The following TSPAN32 variants were observed in gnomAD, a reference collection of about 807,000 sequenced individuals.
TSPAN32 encodes tetraspanin-32.
In TSPAN32, 47 loss-of-function variants were observed where a neutral mutation model predicts 42.7. The observed-to-expected ratio is 1.10, with a 90% CI of 0.87 to 1.40. The LOEUF is 1.40. Among genes scored for constraint, TSPAN32 ranks in the 40% most tolerant of loss-of-function variants. The pLI is 0.00. For missense variants in TSPAN32, 469 were observed against 424.1 expected, an observed-to-expected ratio of 1.11 and a Z score of -0.93; for synonymous variants, 175 against 175.9, an observed-to-expected ratio of 0.99 and a Z score of 0.04.
At chr11:2,303,756 T>C (rs996600633) in intron 2 of TSPAN32, among the ~76,000 whole-genome samples, 5 of 151,748 alleles carry the variant, frequency 3.3e-5, no homozygotes, top group Admixed American at 2.0e-4. Context: ...CACTAGGACA[T>C]GGCAGGAGGA....
At chr11:2,315,638 G>C (rs1165078467) in intron 6 of TSPAN32, 3 of 1,186,462 alleles carry the variant, frequency 2.5e-6, no homozygotes, top group Non-Finnish European at 3.2e-6. Context: ...TGAGCCCTGA[G>C]ACCCTGCGGA....
chr11:2,312,565 G>A (rs1197711905), intron 4 of TSPAN32, among the ~76,000 whole-genome samples: 1 of 152,208 alleles, frequency 6.6e-6, no homozygotes, highest in African/African-American at 2.4e-5. Context: ...GACTCCTGTT[G>A]GGGCCTCCAG....
intron 6 of TSPAN32, chr11:2,315,697 A>T: frequency 2.5e-6 from 3 of 1,204,630 alleles, no homozygotes; most frequent in Non-Finnish European, 3.2e-6. Context: ...GTTCAGAGAC[A>T]GGCCTGCCAC....
chr11:2,315,678 A>G, intron 6 of TSPAN32: 1 of 1,191,874 alleles, frequency 8.4e-7, no homozygotes, highest in Non-Finnish European at 1.1e-6. Flanking sequence ...AGTTGCCATC[A>G]TCTCCAGGGT....
At chr11:2,311,199 A>C (rs1352470524) in intron 4 of TSPAN32, among the ~76,000 whole-genome samples, 1 of 151,992 alleles carries the variant, frequency 6.6e-6, no homozygotes, top group Non-Finnish European at 1.5e-5. Context: ...GACCAGCCAC[A>C]TGCCCTTGGT....
At chr11:2,312,658 C>A (rs940016991) in intron 4 of TSPAN32, among the ~76,000 whole-genome samples, 1 of 152,196 alleles carries the variant, frequency 6.6e-6, no homozygotes, top group South Asian at 2.1e-4. Context: ...GGGGGCTGGG[C>A]CCCAGTGCAA....
chr11:2,314,448 G>A, intron 5 of TSPAN32, 37 bp from the exon 6 acceptor site: 1 of 1,563,530 alleles, frequency 6.4e-7, no homozygotes, highest in East Asian at 2.3e-5. Flanking sequence ...TGGGGTCTCG[G>A]GAGCACATCA....
rs542075065 is a variant in TSPAN32 at position 2,307,993 on chromosome 11, G to A, written c.280-743G>A. The stretch of plus-strand genomic sequence containing the variant: ...GCAAAACAGAAGATCCTACAGCCCC[G>A]GCCCTGGAGAGGCTCAGGCTCAGGG... On this transcript the variant is annotated intron_variant, in intron 3 of 9. Transcript: ENST00000182290. Among the ~76,000 whole-genome samples the A allele has an allele frequency of 1.8e-4, 27 of 152,260 alleles. No homozygotes were observed. In the East Asian group the frequency reaches 2.3e-3, roughly 13 times the overall value.
In TSPAN32 at chr11:2,310,469, G is replaced by A. The variant is rs1483612016; in HGVS notation, c.354+1659G>A. Among the ~76,000 whole-genome samples, 3 of 152,186 alleles carry A rather than the reference G, an allele frequency of 2.0e-5. No individual in the cohort carries two copies. The East Asian group carries it at 5.8e-4, about 29-fold the overall frequency. ...TGCCCTTCAGGGGTCAGTTCTCAGGGCCTTGCCTGACCCCAGGCAGGGGAC... is the reference window on the plus strand; with the variant it reads ...TGCCCTTCAGGGGTCAGTTCTCAGGACCTTGCCTGACCCCAGGCAGGGGAC... On this transcript the variant is annotated intron_variant, in intron 4 of 9. Transcript: ENST00000182290.
intron 3 of TSPAN32, among the ~76,000 whole-genome samples, chr11:2,306,607 G>A (rs956718995): frequency 6.6e-6 from 1 of 151,100 alleles, no homozygotes; most frequent in Non-Finnish European, 1.5e-5. Context: ...TTTCTCCTGA[G>A]GAATGAAATG....
intron 7 of TSPAN32, 76 bp from the exon 8 acceptor site, chr11:2,316,500 C>T: frequency 4.4e-6 from 7 of 1,606,738 alleles, no homozygotes; most frequent in Non-Finnish European, 5.1e-6. Flanking sequence ...CCTTACACTG[C>T]AGAGTCCTGA....
At position 2,317,279 on chromosome 11, in the gene TSPAN32, A is replaced by G. The variant is rs1848851034; in HGVS notation, c.720-65A>G. The G allele has an allele frequency of 7.5e-7, 1 of 1,337,988 alleles. No homozygotes were observed. 82.9% of individuals were successfully genotyped at this position (1,337,988 alleles called of 1,614,324 possible). On this transcript the variant is annotated intron_variant, in intron 8 of 9. Coordinates refer to ENST00000182290, the MANE Select transcript of TSPAN32 (RefSeq NM_139022.3). This position sits in a 1 kb window ranked among gnomAD's most constrained non-coding sequence, Gnocchi z 6.2. ...CCCATGATCCCCTCTAGAACATTCCACAATAGCCTCACAGGTCCCCTGTAG... is the reference window on the plus strand; with the variant it reads ...CCCATGATCCCCTCTAGAACATTCCGCAATAGCCTCACAGGTCCCCTGTAG...
chr11:2,309,337 C>A (rs1387051451), intron 4 of TSPAN32: 2 of 470,528 alleles, frequency 4.3e-6, no homozygotes, highest in Non-Finnish European at 8.8e-6. Context: ...TCCTTCCGTC[C>A]TGGATGCTGA....
chr11:2,317,595 G>A lies in TSPAN32; in HGVS notation c.901+70G>A, dbSNP rs563405185. 52 of 1,514,058 alleles carry A rather than the reference G, an allele frequency of 3.4e-5. No individual in the cohort carries two copies. In the East Asian group the frequency reaches 1.2e-3, roughly 34 times the overall value. 93.8% of individuals were successfully genotyped at this position (1,514,058 alleles called of 1,614,324 possible). On this transcript the variant is annotated intron_variant, in intron 9 of 9. Coordinates refer to ENST00000182290, the MANE Select transcript of TSPAN32 (RefSeq NM_139022.3). This position sits in a 1 kb window ranked among gnomAD's most constrained non-coding sequence, Gnocchi z 6.2. ...AGGGTCCGAGCTGTGAGGAGGGAAG[G>A]GAGTGAAGGCCCAGCCAGAGAGCCA...
chr11:2,311,589 G>A (rs1458479250), intron 4 of TSPAN32, among the ~76,000 whole-genome samples: 2 of 152,066 alleles, frequency 1.3e-5, no homozygotes, highest in African/African-American at 4.8e-5. Context: ...TGTACCTGTG[G>A]GGCTGGTCCA....
At chr11:2,306,238 G>GT (rs1388084249) in intron 3 of TSPAN32, among the ~76,000 whole-genome samples, 4 of 152,108 alleles carry the variant, frequency 2.6e-5, no homozygotes, top group Non-Finnish European at 4.4e-5. Flanking sequence ...CTGGGCGCCT[G>GT]GATGCTCCCC....
At chr11:2,309,521 C>T (rs566554119) in intron 4 of TSPAN32, 1 of 369,074 alleles carries the variant, frequency 2.7e-6, no homozygotes, top group Admixed American at 2.9e-5. Flanking sequence ...GTGAGAGCCC[C>T]CAGGGCAGCC....
At chr11:2,302,697 C>A in intron 1 of TSPAN32, 147 bp from the exon 2 acceptor site, 1 of 674,600 alleles carries the variant, frequency 1.5e-6, no homozygotes, top group African/African-American at 1.8e-5. Context: ...GAGACCACTC[C>A]ACGGAAACAC....
At chr11:2,314,446 C>T (rs781697694) in intron 5 of TSPAN32, 39 bp from the exon 6 acceptor site, 19 of 1,541,654 alleles carry the variant, frequency 1.2e-5, no homozygotes, top group Middle Eastern at 1.7e-4. Flanking sequence ...CCTGGGGTCT[C>T]GGGAGCACAT....
Sources: gnomAD v4.1 joint callset for allele counts (sites outside exome capture counted in the v4.1 genomes callset) on GRCh38, gnomAD v4.1.1 for gene constraint, Gnocchi (gnomAD v3.1) non-coding constraint, MANE v1.5 for transcripts, NCBI Gene and HGNC (gene_info 2026-07-23, HGNC 2026-07-21) for gene names.